EHD4: variants seen among roughly 807,000 people sequenced by gnomAD.
The protein encoded by EHD4 is EH domain containing 4, also known as EH domain-containing protein 4.
Under a neutral mutation model 51.0 loss-of-function variants are expected in EHD4, and 37 were observed. The ratio of observed to expected loss-of-function variants is 0.73; its 90% CI spans 0.56 to 0.95. The LOEUF (loss-of-function observed/expected upper bound fraction) is 0.95, where lower values mean the gene tolerates loss of function less well. EHD4 is among the 40% of genes least tolerant of loss of function. EHD4 has a pLI of 0.00. For synonymous variants in EHD4, 297 were observed against 317.3 expected (o/e 0.94, Z 0.68); for missense variants, 632 against 733.1 (o/e 0.86, Z 1.59).
chr15:41,946,604 T>C (rs2067816638), intron 2 of EHD4, among the ~76,000 whole-genome samples: 1 of 152,178 alleles, frequency 6.6e-6, no homozygotes, highest in Admixed American at 6.5e-5. Flanking sequence ...CATGCGCTTG[T>C]AGTCCCAGCT....
intron 3 of EHD4, among the ~76,000 whole-genome samples, chr15:41,927,489 A>T (rs191455424): frequency 3.7e-4 from 57 of 152,388 alleles, no homozygotes; most frequent in African/African-American, 1.3e-3. Context: ...TGGTGTACAC[A>T]TCCAATGGAA....
chr15:41,972,455 G>C lies in EHD4; in HGVS notation c.40C>G (p.Arg14Gly). ...TGCACCGCGTCCGCGCCGCCAGCGC[G>C]TTCGCGCCCGCCCGCCTGCCGCCCC... Reference protein sequence around the residue: ...WMGRQAGGRERAGGADAVQTV... With the variant: ...WMGRQAGGREGAGGADAVQTV... The change falls in exon 1 of 6, where the codon CGC (arginine) becomes GGC (glycine). Residue 14 changes from arginine to glycine, a missense_variant. Arg to Gly is a moderately radical substitution (Grantham distance 125). Coordinates refer to ENST00000220325, the MANE Select transcript of EHD4 (RefSeq NM_139265.4). The C allele has an allele frequency of 1.3e-6, 2 of 1,558,574 alleles. No individual in the cohort carries two copies. The highest frequency in any genetic ancestry group is 1.7e-6 in the Non-Finnish European group (2 of 1,155,666).
chr15:41,969,558 T>C (rs2067983585), intron 1 of EHD4, among the ~76,000 whole-genome samples: 1 of 150,252 alleles, frequency 6.7e-6, no homozygotes, highest in Non-Finnish European at 1.5e-5. Context: ...AAAAAAAAAT[T>C]GTGTAGTTTG....
intron 2 of EHD4, among the ~76,000 whole-genome samples, chr15:41,949,558 C>A (rs975934307): frequency 6.6e-6 from 1 of 152,072 alleles, no homozygotes; most frequent in Non-Finnish European, 1.5e-5. Context: ...TCAGGCCCAG[C>A]TAAAATGACT....
chr15:41,908,018 A>G (rs2067524173), intron 5 of EHD4, among the ~76,000 whole-genome samples: 1 of 151,984 alleles, frequency 6.6e-6, no homozygotes, highest in African/African-American at 2.4e-5. Flanking sequence ...GATTATAGCC[A>G]CCACACCCGG....
intron 1 of EHD4, among the ~76,000 whole-genome samples, chr15:41,967,017 T>C (rs940430509): frequency 6.6e-6 from 1 of 152,174 alleles, no homozygotes; most frequent in Non-Finnish European, 1.5e-5. Flanking sequence ...CAGACCCATG[T>C]CTTACCCCTC....
intron 5 of EHD4, among the ~76,000 whole-genome samples, chr15:41,904,366 C>G (rs145718425): frequency 2.0e-5 from 3 of 152,132 alleles, no homozygotes; most frequent in East Asian, 3.9e-4. Flanking sequence ...GTGGTCCCCC[C>G]CAGGCTTGAC....
At chr15:41,928,397 C>G (rs1220680616) in intron 3 of EHD4, 1 of 152,188 alleles carries the variant, frequency 6.6e-6, no homozygotes, top group Non-Finnish European at 1.5e-5. Context: ...CCAAGGCACA[C>G]AGCTGTTTCT....
chr15:41,902,547 C>T (rs1202403764), intron 5 of EHD4, among the ~76,000 whole-genome samples: 1 of 151,944 alleles, frequency 6.6e-6, no homozygotes, highest in East Asian at 1.9e-4. Context: ...AAGGACTTGA[C>T]ATAACACAGT....
intron 1 of EHD4, among the ~76,000 whole-genome samples, chr15:41,966,419 C>T (rs2067962327): frequency 6.6e-6 from 1 of 152,182 alleles, no homozygotes; most frequent in Non-Finnish European, 1.5e-5. Context: ...TTGGTAGCAG[C>T]ATCCTCAGGA....
intron 5 of EHD4, among the ~76,000 whole-genome samples, chr15:41,902,241 C>CTCCATCCATCCA (rs56023420): frequency 3.5e-3 from 513 of 146,296 alleles, no homozygotes; most frequent in African/African-American, 0.012. Context: ...TCCTTGGTTA[C>CTCCATCCATCCA]TCCATCCATC....
chr15:41,965,788 G>A (rs2067957944), intron 1 of EHD4, among the ~76,000 whole-genome samples: 1 of 152,128 alleles, frequency 6.6e-6, no homozygotes, highest in South Asian at 2.1e-4. Context: ...ATAATGTCAG[G>A]ATGGAAAAAG....
chr15:41,959,961 CAAAA>C (rs575509600), intron 1 of EHD4, among the ~76,000 whole-genome samples: 1 of 58,016 alleles, frequency 1.7e-5, no homozygotes. Flanking sequence ...GACTCCACCT[CAAAA>C]AAAAAAAAAA....
At chr15:41,917,474 T>C (rs16972243) in intron 4 of EHD4, among the ~76,000 whole-genome samples, 10,284 of 152,230 alleles carry the variant, frequency 0.068, 401 homozygotes, top group South Asian at 0.096. Flanking sequence ...TGGGTCTTCA[T>C]TTACCAATAA....
chr15:41,903,338 A>AAC (rs1444035205), intron 5 of EHD4, among the ~76,000 whole-genome samples: 5 of 125,392 alleles, frequency 4.0e-5, no homozygotes, highest in Non-Finnish European at 7.5e-5. Context: ...GTAAAAAAAA[A>AAC]AAACAGAAAA....
chr15:41,919,169 T>C (rs1595533473), intron 4 of EHD4, 41 bp downstream of exon 4: 1 of 1,609,324 alleles, frequency 6.2e-7, no homozygotes, highest in Non-Finnish European at 8.5e-7. Context: ...GACAGCAGAG[T>C]CCCAGCCCCT....
At chr15:41,906,950 C>A (rs2140983174) in intron 5 of EHD4, among the ~76,000 whole-genome samples, 1 of 152,352 alleles carries the variant, frequency 6.6e-6, no homozygotes, top group South Asian at 2.1e-4. Flanking sequence ...CCCTCCATCT[C>A]AGTGGGCCAT....
intron 4 of EHD4, among the ~76,000 whole-genome samples, chr15:41,916,749 G>A (rs573299260): frequency 3.3e-5 from 5 of 152,296 alleles, no homozygotes; most frequent in East Asian, 1.9e-4. Flanking sequence ...TCCTGTCCCC[G>A]TTCCTCAGCA....
chr15:41,907,936 G>A (rs148051402), intron 5 of EHD4, among the ~76,000 whole-genome samples: 8 of 151,350 alleles, frequency 5.3e-5, no homozygotes, highest in Non-Finnish European at 8.8e-5. Context: ...ACAGCAGTGC[G>A]ATCTCAGTTC....
Sources: gnomAD v4.1 joint callset for allele counts (sites outside exome capture counted in the v4.1 genomes callset) on GRCh38, gnomAD v4.1.1 for gene constraint, MANE v1.5 for transcripts, NCBI Gene and HGNC (gene_info 2026-07-23, HGNC 2026-07-21) for gene names.